Variants in CORO7 observed in about 807,000 individuals in gnomAD.
CORO7 encodes the protein coronin-7.
CORO7 carries 107 observed loss-of-function variants against 126.6 expected under a neutral mutation model. That is an observed-to-expected ratio of 0.85 (90% CI 0.72 to 0.99). The LOEUF is 0.99. CORO7 is among the 50% of genes least tolerant of loss of function. The pLI is 0.00. For missense variants in CORO7, 1,314 were observed against 1,255.8 expected, an observed-to-expected ratio of 1.05 and a Z score of -0.70; for synonymous variants, 603 against 536.8, an observed-to-expected ratio of 1.12 and a Z score of -1.70.
In CORO7 at chr16:4,388,020, C is replaced by T. The variant is rs376170319; in HGVS notation, c.751G>A (p.Ala251Thr). 6.2e-6 allele frequency: 10 copies of T among 1,613,050 alleles called. No homozygotes were observed. The highest frequency in any genetic ancestry group is 2.7e-5 in the African/African-American group (2 of 74,926). Reference protein sequence around the residue: ...KLWDTRFFSSALASLTLDTSL... With the variant: ...KLWDTRFFSSTLASLTLDTSL... ...GTGTCCAAGGTGAGGGAGGCCAGGG[C>T]GCTGGAGAAGAACCGCGTGTCCCAC... is the stretch of plus-strand genomic sequence containing the variant. The change falls in exon 9 of 28, where the codon GCC (alanine) becomes ACC (threonine). Residue 251 changes from alanine to threonine, a missense_variant. Ala to Thr is a moderately conservative substitution (Grantham distance 58). Coordinates refer to ENST00000251166, the MANE Select transcript of CORO7 (RefSeq NM_024535.5).
At chr16:4,396,011 T>TGTGTGTAC (rs1370006818) in intron 6 of CORO7, among the ~76,000 whole-genome samples, 11 of 151,548 alleles carry the variant, frequency 7.3e-5, no homozygotes, top group African/African-American at 2.4e-4. Flanking sequence ...TGTGTGTGTG[T>TGTGTGTAC]ACACAAACAT....
Position 4,361,126 on chromosome 16 carries a change from C to A in CORO7, c.1774+36G>T, listed in dbSNP as rs779801329. 8.7e-6 allele frequency: 14 copies of A among 1,613,190 alleles called. No individual in the cohort carries two copies. In the South Asian group the frequency reaches 1.1e-4, roughly 13 times the overall value. ...GGTGATCAGGAGCCCTTGGGAGACA[C>A]TGGCCACCCCAGCCCCATTCCTGAG... On this transcript the variant is annotated intron_variant, in intron 18 of 27. Transcript: ENST00000251166.
chr16:4,355,146 C>T lies in CORO7; in HGVS notation c.*12G>A, dbSNP rs368675856. 891 of 1,503,818 alleles carry T rather than the reference C, an allele frequency of 5.9e-4. 1 individual carries two copies. Among genetic ancestry groups the T allele is most frequent in the Non-Finnish European group, 7.2e-4 (811 of 1,121,500 alleles). 93.2% of individuals were successfully genotyped at this position (1,503,818 alleles called of 1,614,324 possible). On this transcript the variant is annotated 3_prime_UTR_variant, in exon 28 of 28. Coordinates refer to ENST00000251166, the MANE Select transcript of CORO7 (RefSeq NM_024535.5). ...GGCAGCACAGGTGAGGTGGAGGTGA[C>T]GGGGGCGCAGGCTAGTCCTGGGGCG...
intron 7 of CORO7, 65 bp from the exon 8 acceptor site, chr16:4,388,696 T>C: frequency 1.3e-6 from 2 of 1,537,028 alleles, no homozygotes; most frequent in South Asian, 1.2e-5. Flanking sequence ...CCCCCTGGAA[T>C]GGGCCTGAGC....
At chr16:4,371,246 G>C (rs977783868) in intron 9 of CORO7, among the ~76,000 whole-genome samples, 2 of 152,196 alleles carry the variant, frequency 1.3e-5, no homozygotes, top group African/African-American at 4.8e-5. Flanking sequence ...CAACTCTTAA[G>C]GCTGTCGTGG....
At chr16:4,385,593 C>T (rs2055169374) in intron 9 of CORO7, among the ~76,000 whole-genome samples, 1 of 152,210 alleles carries the variant, frequency 6.6e-6, no homozygotes, top group Non-Finnish European at 1.5e-5. Flanking sequence ...CTCCACCCTG[C>T]GCCAAGCATG....
At chr16:4,361,927 C>T (rs770743721) in intron 16 of CORO7, 58 bp downstream of exon 16, 49 of 1,550,912 alleles carry the variant, frequency 3.2e-5, no homozygotes, top group East Asian at 2.4e-4. Flanking sequence ...TAAGGCCCTC[C>T]GCGTCTTTGC....
Position 4,355,270 on chromosome 16 carries a change from G to A in CORO7, c.2772+16C>T, listed in dbSNP as rs80301739. 1.5e-3 allele frequency: 2,362 copies of A among 1,613,086 alleles called. 26 individuals are homozygous for A. In the African/African-American group the frequency reaches 0.028, roughly 19 times the overall value. On this transcript the variant is annotated intron_variant, in intron 27 of 27. Transcript: ENST00000251166. ...ACCGCGCTGCCTGCCGGGAAGTGAG[G>A]CCACTCACTACTCACCCACTCGTCC... is the stretch of plus-strand genomic sequence containing the variant.
intron 9 of CORO7, chr16:4,381,709 G>T: frequency 6.2e-7 from 1 of 1,607,362 alleles, no homozygotes. Context: ...AAGCCTGCAG[G>T]CCCTGCCTGG....
intron 9 of CORO7, chr16:4,382,704 T>C (rs745394159): frequency 5.6e-5 from 87 of 1,549,036 alleles, no homozygotes; most frequent in Non-Finnish European, 6.8e-5. Flanking sequence ...CAGCAGCGGC[T>C]CAGGACAAAG....
rs377383585 is a variant in CORO7 at position 4,361,057 on chromosome 16, G to A, written c.1803C>T (p.Arg601=). The A allele has an allele frequency of 1.2e-6, 2 of 1,613,336 alleles. No homozygotes were observed. The highest frequency in any genetic ancestry group is 2.2e-5 in the South Asian group (2 of 91,084). The change falls in exon 19 of 28, where the codon CGC becomes CGT. Residue 601 remains arginine (R), a synonymous_variant. Transcript: ENST00000251166. ...TGHTEKICSL[R]FHPLAANVLA... ...GCACATTGGCTGCCAGTGGGTGGAAGCGCAGGGAGCAGATCTTCTCCGTGT... is the reference window on the plus strand; with the variant it reads ...GCACATTGGCTGCCAGTGGGTGGAAACGCAGGGAGCAGATCTTCTCCGTGT...
At chr16:4,381,033 C>T (rs779557272) in intron 9 of CORO7, 33 of 1,610,204 alleles carry the variant, frequency 2.0e-5, no homozygotes, top group East Asian at 8.9e-5. Flanking sequence ...ACGTGCCACC[C>T]GACACGGTGG....
chr16:4,359,185 G>T, intron 23 of CORO7, 111 bp downstream of exon 23: 5 of 1,235,314 alleles, frequency 4.0e-6, no homozygotes, highest in Non-Finnish European at 5.5e-6. Context: ...CCCAGCCCCA[G>T]CCCAGGACTC....
Position 4,388,065 on chromosome 16 carries a change from G to T in CORO7, c.706C>A (p.Arg236Ser). Residue 236 changes from arginine (R) to serine (S), a missense_variant, in exon 9 of 28, where the codon CGT becomes AGT. Coordinates refer to ENST00000251166, the MANE Select transcript of CORO7 (RefSeq NM_024535.5). ...TCCCACAGCTTCACTTCGCGCTCAC[G>T]CATCTGCAGGGAGGGCGAGAGAGGG... is the stretch of plus-strand genomic sequence containing the variant. ...HLVSTGFNQM[R>S]EREVKLWDTR... The T allele has an allele frequency of 1.9e-6, 3 of 1,611,958 alleles. No individual in the cohort carries two copies. The South Asian group carries it at 3.3e-5, about 18-fold the overall frequency.
At position 4,395,351 on chromosome 16, in the gene CORO7, G is replaced by C; in HGVS notation, c.565-12C>G. On this transcript the variant is annotated splice_polypyrimidine_tract_variant and intron_variant, in intron 6 of 27. Transcript: ENST00000251166. ...CGCAGCTGCTTGTCCTGGAAAAGCA[G>C]AGAGGAGGAAACAACTTGCGATTAG... 6.2e-7 allele frequency: 1 copy of C among 1,614,036 alleles called. No homozygotes were observed. Among genetic ancestry groups the C allele is most frequent in the Non-Finnish European group, 8.5e-7 (1 of 1,180,004 alleles).
At chr16:4,375,401 C>T (rs2054682695) in intron 9 of CORO7, among the ~76,000 whole-genome samples, 1 of 152,284 alleles carries the variant, frequency 6.6e-6, no homozygotes, top group Non-Finnish European at 1.5e-5. Flanking sequence ...TTGCAACCCT[C>T]TGTCCTGGTG....
At chr16:4,364,212 G>A (rs1464481433) in intron 14 of CORO7, 64 bp downstream of exon 14, 33 of 1,452,246 alleles carry the variant, frequency 2.3e-5, no homozygotes, top group Non-Finnish European at 2.7e-5. Context: ...CGTTCAGCCG[G>A]TGAACACTCA....
chr16:4,365,026 G>A lies in CORO7; in HGVS notation c.875C>T (p.Pro292Leu), dbSNP rs771044079. 3.6e-5 allele frequency: 58 copies of A among 1,605,948 alleles called. No individual in the cohort carries two copies. The East Asian group carries it at 4.5e-4, about 12-fold the overall frequency. ...ACCTGGGCTCAGCGCCGGCTGCTGC[G>A]GGACCACCTCGTAACAGTACAGCTG... ...ERQLYCYEVVPQQPALSPVTQ... is the reference protein window; with the variant it reads ...ERQLYCYEVVLQQPALSPVTQ... The change falls in exon 11 of 28, where the codon CCG becomes CTG. Residue 292 changes from proline to leucine, a missense_variant. Pro to Leu is a moderately conservative substitution (Grantham distance 98). Coordinates refer to ENST00000251166, the MANE Select transcript of CORO7 (RefSeq NM_024535.5).
intron 23 of CORO7, chr16:4,359,037 G>T: frequency 1.9e-6 from 1 of 530,156 alleles, no homozygotes; most frequent in South Asian, 2.5e-5. Flanking sequence ...TCAGCCTTCC[G>T]AAGTGTTGGG....
Sources: gnomAD v4.1 joint callset for allele counts (sites outside exome capture counted in the v4.1 genomes callset) on GRCh38, gnomAD v4.1.1 for gene constraint, MANE v1.5 for transcripts, NCBI Gene and HGNC (gene_info 2026-07-23, HGNC 2026-07-21) for gene names.